Variants in EPSTI1 observed in about 807,000 individuals in gnomAD.
EPSTI1 encodes the protein epithelial-stromal interaction protein 1.
EPSTI1 carries 66 observed loss-of-function variants against 49.9 expected under a neutral mutation model. That is an observed-to-expected ratio of 1.32 (90% CI 1.08 to 1.62). The LOEUF (loss-of-function observed/expected upper bound fraction) is 1.62. Ranked by LOEUF, EPSTI1 falls within the 40% of genes most tolerant of loss-of-function variation. The pLI is 0.00. For missense variants in EPSTI1, 394 were observed against 365.5 expected (o/e 1.08, Z -0.64); for synonymous variants, 137 against 130.7 (o/e 1.05, Z -0.33).
rs373089966 is a variant in EPSTI1 at position 42,961,378 on chromosome 13, C to T, written c.489+1877G>A. On this transcript the variant is annotated intron_variant, in intron 5 of 10. Transcript: ENST00000313624. ...AAAATCCTGAAAATGTGACAATTCC[C>T]ACAGTACAAGGCAGTACAAGGAAGC... Among the ~76,000 whole-genome samples the T allele has an allele frequency of 1.1e-4, 17 of 152,244 alleles. No homozygotes were observed. The South Asian group carries it at 3.5e-3, about 32-fold the overall frequency.
In EPSTI1 at chr13:42,913,622, G is replaced by T. The variant is rs572585301; in HGVS notation, c.741+3919C>A. The stretch of plus-strand genomic sequence containing the variant: ...ACTTTGGGAATAAATCCCTGGAGCT[G>T]GGGTAGCACCTGCCTTTTCTGAAAC... On this transcript the variant is annotated intron_variant, in intron 8 of 10. Coordinates refer to ENST00000313624, the MANE Select transcript of EPSTI1 (RefSeq NM_033255.5). Among the ~76,000 whole-genome samples, 272 of 152,300 alleles carry T rather than the reference G, an allele frequency of 1.8e-3. 2 individuals are homozygous for T. Among genetic ancestry groups the T allele is most frequent in the Non-Finnish European group, 1.4e-3 (94 of 68,018 alleles).
chr13:42,986,295 C>T (rs2104316), intron 1 of EPSTI1, among the ~76,000 whole-genome samples: 95,891 of 152,094 alleles, frequency 0.63, 30,676 homozygotes, highest in Non-Finnish European at 0.66. Context: ...TATTTAGCCA[C>T]GGTCCCTGGT....
At chr13:42,948,519 G>A (rs2038994772) in intron 6 of EPSTI1, among the ~76,000 whole-genome samples, 1 of 149,912 alleles carries the variant, frequency 6.7e-6, no homozygotes, top group Non-Finnish European at 1.5e-5. Flanking sequence ...TGTTGCTCAG[G>A]CTAGAGTGCA....
intron 9 of EPSTI1, 100 bp from the exon 10 acceptor site, chr13:42,895,208 C>A: frequency 1.2e-6 from 1 of 840,894 alleles, no homozygotes. Flanking sequence ...ATGGGGATAG[C>A]TTCCTGGCTT....
intron 1 of EPSTI1, among the ~76,000 whole-genome samples, chr13:42,975,244 T>G (rs2039858631): frequency 6.6e-6 from 1 of 152,176 alleles, no homozygotes; most frequent in Admixed American, 6.5e-5. Flanking sequence ...TAGATCAAAT[T>G]CCCAAGAATA....
rs1322943253 is a variant in EPSTI1, at chr13:42,945,041, A to T, written c.563+8907T>A. Among the ~76,000 whole-genome samples the T allele has an allele frequency of 2.0e-5, 3 of 152,114 alleles. No individual in the cohort carries two copies. The East Asian group carries it at 5.8e-4, about 29-fold the overall frequency. ...TTCAGAGCAAAGCTCTGCTTCCTTA[A>T]ATCTTCCCCTAAATCACCTACGTAT... On this transcript the variant is annotated intron_variant, in intron 6 of 10. Transcript: ENST00000313624.
intron 3 of EPSTI1, among the ~76,000 whole-genome samples, chr13:42,968,365 T>C (rs1488301706): frequency 6.6e-6 from 1 of 152,154 alleles, no homozygotes; most frequent in East Asian, 1.9e-4. Context: ...TCTAAAACTA[T>C]CACAACCGTA....
At chr13:42,955,720 T>C (rs748137570) in intron 5 of EPSTI1, among the ~76,000 whole-genome samples, 1 of 151,860 alleles carries the variant, frequency 6.6e-6, no homozygotes, top group Non-Finnish European at 1.5e-5. Flanking sequence ...GAGAATCGCT[T>C]GAACTCGGGA....
intron 9 of EPSTI1, among the ~76,000 whole-genome samples, chr13:42,899,585 C>A (rs2037296611): frequency 6.6e-6 from 1 of 151,982 alleles, no homozygotes; most frequent in South Asian, 2.1e-4. Flanking sequence ...TAAATACGTT[C>A]AAAAAAAGCC....
At chr13:42,904,235 G>A (rs996021791) in intron 8 of EPSTI1, among the ~76,000 whole-genome samples, 4 of 152,170 alleles carry the variant, frequency 2.6e-5, no homozygotes, top group Admixed American at 6.5e-5. Context: ...CCCAGAAAGT[G>A]GGTAAGGACT....
intron 10 of EPSTI1, among the ~76,000 whole-genome samples, chr13:42,894,319 A>T (rs927983081): frequency 2.6e-5 from 4 of 152,228 alleles, no homozygotes; most frequent in Admixed American, 6.5e-5. Flanking sequence ...AGTGAGTGAG[A>T]GAGAGAGAAG....
intron 6 of EPSTI1, among the ~76,000 whole-genome samples, chr13:42,951,291 A>G (rs1334888278): frequency 6.6e-6 from 1 of 152,230 alleles, no homozygotes; most frequent in Non-Finnish European, 1.5e-5. Context: ...TTCTAACTAC[A>G]TACTCACTGC....
rs1291721853 is a variant in EPSTI1 at position 42,922,233 on chromosome 13, G to T, written c.657+4103C>A. Among the ~76,000 whole-genome samples, 2 of 152,192 alleles carry T rather than the reference G, an allele frequency of 1.3e-5. No homozygotes were observed. Among genetic ancestry groups the T allele is most frequent in the African/African-American group, 4.8e-5 (2 of 41,444 alleles). ...TAACTAAGAAAAGAAACAGGTGGTG[G>T]GTTGCATAATGGCCCCCCAAAGACG... On this transcript the variant is annotated intron_variant, in intron 7 of 10. Transcript: ENST00000313624. This position sits in a 1 kb window ranked among gnomAD's most constrained non-coding sequence, Gnocchi z 4.8.
intron 8 of EPSTI1, among the ~76,000 whole-genome samples, chr13:42,913,999 C>T (rs1017766664): frequency 6.6e-6 from 1 of 152,178 alleles, no homozygotes; most frequent in East Asian, 1.9e-4. Flanking sequence ...CTTGCTTCCC[C>T]TTTGGCTTCT....
chr13:42,969,388 G>A (rs2039710418), intron 2 of EPSTI1: 1 of 515,844 alleles, frequency 1.9e-6, no homozygotes, highest in Non-Finnish European at 3.4e-6. Flanking sequence ...CCAAGAGTCA[G>A]CACAGAGGGT....
At chr13:42,906,892 T>C (rs1029013493) in intron 8 of EPSTI1, among the ~76,000 whole-genome samples, 5 of 152,104 alleles carry the variant, frequency 3.3e-5, no homozygotes, top group African/African-American at 1.2e-4. Context: ...AGGATACAAT[T>C]TGATATTTTG....
At chr13:42,946,905 T>A (rs761952321) in intron 6 of EPSTI1, among the ~76,000 whole-genome samples, 1 of 152,222 alleles carries the variant, frequency 6.6e-6, no homozygotes, top group Non-Finnish European at 1.5e-5. Flanking sequence ...TGATCTGAGG[T>A]GGAACAGTTT....
intron 10 of EPSTI1, among the ~76,000 whole-genome samples, chr13:42,894,739 C>T (rs1008366220): frequency 6.7e-6 from 1 of 150,254 alleles, no homozygotes; most frequent in Non-Finnish European, 1.5e-5. Context: ...TGATAAAAAC[C>T]CTTAAAGTCC....
intron 9 of EPSTI1, 56 bp downstream of exon 9, chr13:42,900,254 A>C: frequency 6.7e-7 from 1 of 1,488,874 alleles, no homozygotes; most frequent in Admixed American, 1.7e-5. Context: ...AACACTGTAC[A>C]AACTTTCTAG....
Sources: gnomAD v4.1 joint callset for allele counts (sites outside exome capture counted in the v4.1 genomes callset) on GRCh38, gnomAD v4.1.1 for gene constraint, Gnocchi (gnomAD v3.1) non-coding constraint, MANE v1.5 for transcripts, NCBI Gene and HGNC (gene_info 2026-07-23, HGNC 2026-07-21) for gene names.